Variants in ZDBF2 observed in about 807,000 individuals in gnomAD.
ZDBF2 encodes DBF4-type zinc finger-containing protein 2.
ZDBF2 carries 6 observed loss-of-function variants against 9.4 expected under a neutral mutation model. The observed-to-expected ratio is 0.64, with a 90% CI of 0.35 to 1.27. The LOEUF (loss-of-function observed/expected upper bound fraction) is 1.27. Among genes scored for constraint, ZDBF2 ranks in the 50% most tolerant of loss-of-function variants. The pLI is 0.03. For synonymous variants in ZDBF2, 905 were observed against 946.3 expected (o/e 0.96, Z 0.80); for missense variants, 2,697 against 2,766.8 (o/e 0.97, Z 0.57).
In ZDBF2 at chr2:206,310,936, T is replaced by C. The variant is rs760891670; in HGVS notation, c.6408T>C (p.His2136=). ...TTCTGGAAGAATCAAAGGTTCTGCA[T>C]GCTCGTGAGCTTCCAAAGAAAAGAA... ...SLFLEESKVL[H]ARELPKKRNF... is the part of the protein sequence containing the mutation. Residue 2136 remains histidine, a synonymous_variant, in exon 5 of 5, where the codon CAT becomes CAC. Coordinates refer to ENST00000374423, the MANE Select transcript of ZDBF2 (RefSeq NM_020923.3). 3.7e-6 allele frequency: 6 copies of C among 1,613,946 alleles called. No individual in the cohort carries two copies. In the Admixed American group the frequency reaches 1.0e-4, roughly 27 times the overall value.
chr2:206,294,582 C>T (rs1254319830), intron 3 of ZDBF2, among the ~76,000 whole-genome samples: 1 of 152,128 alleles, frequency 6.6e-6, no homozygotes, highest in Non-Finnish European at 1.5e-5. Context: ...TACAAATGAT[C>T]CCATCACCCA....
chr2:206,290,630 T>A (rs1292283474), intron 3 of ZDBF2, among the ~76,000 whole-genome samples: 2 of 152,232 alleles, frequency 1.3e-5, no homozygotes, highest in East Asian at 3.8e-4. Context: ...ATTGTTTTCT[T>A]AAGTTCATTT....
chr2:206,311,500 A>T lies in ZDBF2; in HGVS notation c.6972A>T (p.Arg2324Ser). 1 of 1,601,498 alleles carries T rather than the reference A, an allele frequency of 6.2e-7. No homozygotes were observed. Among genetic ancestry groups the T allele is most frequent in the South Asian group, 1.1e-5 (1 of 88,406 alleles). The change falls in exon 5 of 5, where the codon AGA becomes AGT. Residue 2324 changes from arginine (R) to serine (S), a missense_variant. Physicochemically the swap from Arg to Ser is moderately radical, Grantham distance 110. Transcript: ENST00000374423. ...AGAAAGGTCCTTCTACACCTGTGAG[A>T]GCATATGATCTGAGAAGCTCATCTT... Reference protein sequence around the residue: ...GRQKGPSTPVRAYDLRSSSCL... With the variant: ...GRQKGPSTPVSAYDLRSSSCL...
At chr2:206,300,069 A>G (rs1309826783) in intron 4 of ZDBF2, among the ~76,000 whole-genome samples, 1 of 152,218 alleles carries the variant, frequency 6.6e-6, no homozygotes, top group Non-Finnish European at 1.5e-5. Context: ...AGATTGTGCC[A>G]TTGCACTCCA....
chr2:206,277,729 CA>C (rs5838017), intron 1 of ZDBF2, among the ~76,000 whole-genome samples: 56,005 of 104,608 alleles, frequency 0.54, 11,130 homozygotes, highest in Admixed American at 0.61. Context: ...CTAATCTGTC[CA>C]AAAAAAAAAA....
intron 3 of ZDBF2, among the ~76,000 whole-genome samples, chr2:206,284,503 T>G (rs1574382593): frequency 1.3e-5 from 2 of 152,326 alleles, no homozygotes; most frequent in Middle Eastern, 6.8e-3. Context: ...TTAACTATAG[T>G]CATCCTACAG....
chr2:206,288,990 C>T (rs1455466375), intron 3 of ZDBF2, among the ~76,000 whole-genome samples: 1 of 152,054 alleles, frequency 6.6e-6, no homozygotes, highest in Non-Finnish European at 1.5e-5. Context: ...ACAATGACTC[C>T]ATTCCCCAGG....
chr2:206,274,708 G>C lies in ZDBF2; in HGVS notation c.-341G>C, dbSNP rs1305194671. 1 of 152,272 alleles carries C rather than the reference G, an allele frequency of 6.6e-6. No homozygotes were observed. Among genetic ancestry groups the C allele is most frequent in the Non-Finnish European group, 1.5e-5 (1 of 68,066 alleles). The allele number at this position is 152,272 out of a possible 1,614,324, so 9.4% of individuals were successfully genotyped here. A position where few individuals can be genotyped will look rare whatever the true frequency, so the allele number is the denominator to read the frequency against. ...ACGCCACGTTGCCTTGGATGCCTGC[G>C]TGAGTGGAGTCGCGACTCGGGGCCC... On this transcript the variant is annotated 5_prime_UTR_variant, in exon 1 of 5. Transcript: ENST00000374423.
In ZDBF2 at chr2:206,310,770, T is replaced by C. The variant is rs1297349402; in HGVS notation, c.6242T>C (p.Ile2081Thr). Residue 2081 changes from isoleucine to threonine, a missense_variant, in exon 5 of 5, where the codon ATT becomes ACT. By Grantham distance (89) the Ile-to-Thr change is moderately conservative. Coordinates refer to ENST00000374423, the MANE Select transcript of ZDBF2 (RefSeq NM_020923.3). ...TTTGAGAGGCGTAACTGGGTTAAAA[T>C]TCATTTTAATAGGAGCAACCAAAAC... ...PEFERRNWVKIHFNRSNQNSS... is the reference protein window; with the variant it reads ...PEFERRNWVKTHFNRSNQNSS... 1.2e-6 allele frequency: 2 copies of C among 1,613,936 alleles called. No individual in the cohort carries two copies. The highest frequency in any genetic ancestry group is 1.3e-5 in the African/African-American group (1 of 75,024).
chr2:206,304,720 A>T lies in ZDBF2; in HGVS notation c.192A>T (p.Ser64=). ...AGTTTCCCCCCTTTCGTTTTAGTTC[A>T]ACACAAGATGAGACACATGTGAATA... is the stretch of plus-strand genomic sequence containing the variant. ...HHPYHCQESS[S]TQDETHVNTG... The change falls in exon 5 of 5, where the codon TCA becomes TCT. Residue 64 remains serine (S), a synonymous_variant. Transcript: ENST00000374423. The T allele has an allele frequency of 1.3e-6, 2 of 1,598,172 alleles. No homozygotes were observed. Among genetic ancestry groups the T allele is most frequent in the Non-Finnish European group, 1.7e-6 (2 of 1,173,962 alleles).
In ZDBF2 at chr2:206,281,801, C is replaced by T; in HGVS notation, c.-49C>T. The stretch of plus-strand genomic sequence containing the variant: ...TACCATTTTTCTTTTTGTTTTTCAG[C>T]TTGAGTATTCAAAGACAGTAGCCAT... On this transcript the variant is annotated splice_region_variant and 5_prime_UTR_variant, in exon 3 of 5. Transcript: ENST00000374423. 6.4e-7 allele frequency: 1 copy of T among 1,560,422 alleles called. No homozygotes were observed.
At chr2:206,289,439 GC>G (rs1691772120) in intron 3 of ZDBF2, among the ~76,000 whole-genome samples, 1 of 151,646 alleles carries the variant, frequency 6.6e-6, no homozygotes, top group African/African-American at 2.4e-5. Flanking sequence ...TTCAGCTCCA[GC>G]CTGATGGGGT....
intron 3 of ZDBF2, among the ~76,000 whole-genome samples, chr2:206,288,348 CTG>C (rs1045768837): frequency 5.9e-5 from 9 of 152,232 alleles, no homozygotes; most frequent in Admixed American, 2.0e-4. Flanking sequence ...TCAGCAATAA[CTG>C]TGGGCACTTC....
rs775352532 is a variant in ZDBF2 at position 206,307,293 on chromosome 2, T to C, written c.2765T>C (p.Ile922Thr). The change falls in exon 5 of 5, where the codon ATC (isoleucine) becomes ACC (threonine). Residue 922 changes from isoleucine (I) to threonine (T), a missense_variant. Transcript: ENST00000374423. ...IDSEVSLDYN[I>T]IFHSVTGRSE... is the part of the protein sequence containing the mutation. The stretch of plus-strand genomic sequence containing the variant: ...TCTGAAGTAAGTTTGGATTATAATA[T>C]CATTTTTCATTCAGTGACTGGACGT... The C allele has an allele frequency of 3.0e-5, 48 of 1,609,362 alleles. No homozygotes were observed. The highest frequency in any genetic ancestry group is 3.7e-5 in the Non-Finnish European group (44 of 1,178,666).
rs1692919588 is a variant in ZDBF2 at position 206,308,094 on chromosome 2, G to T, written c.3566G>T (p.Gly1189Val). ...GAGCAGGAGCACATTGAACTAGAAG[G>T]TAAGCACAATCAATGTTGTGGTTCT... ...ILEQEHIELE[G>V]KHNQCCGSEV... is the part of the protein sequence containing the mutation. The change falls in exon 5 of 5, where the codon GGT becomes GTT. Residue 1189 changes from glycine to valine, a missense_variant. This residue lies in a region of ZDBF2 where 1,783 missense variants were observed against 1,776.5 expected (regional missense o/e 1.00). Transcript: ENST00000374423. The T allele has an allele frequency of 6.2e-7, 1 of 1,613,836 alleles. No homozygotes were observed. Among genetic ancestry groups the T allele is most frequent in the African/African-American group, 1.3e-5 (1 of 74,942 alleles).
chr2:206,305,821 C>T lies in ZDBF2; in HGVS notation c.1293C>T (p.Ser431=), dbSNP rs1336294881. 2 of 1,613,402 alleles carry T rather than the reference C, an allele frequency of 1.2e-6. No individual in the cohort carries two copies. The highest frequency in any genetic ancestry group is 4.5e-5 in the East Asian group (2 of 44,862). The change falls in exon 5 of 5, where the codon TCC becomes TCT. Residue 431 remains serine, a synonymous_variant. Coordinates refer to ENST00000374423, the MANE Select transcript of ZDBF2 (RefSeq NM_020923.3). ...SKVSAKEVNL[S]KEVRTDVQYK... ...TGAGTGCCAAAGAAGTAAACCTTTCCAAGGAAGTACGTACTGATGTACAGT... is the reference window on the plus strand; with the variant it reads ...TGAGTGCCAAAGAAGTAAACCTTTCTAAGGAAGTACGTACTGATGTACAGT...
Position 206,305,374 on chromosome 2 carries a change from A to G in ZDBF2, c.846A>G (p.Leu282=), listed in dbSNP as rs1692724470. Residue 282 remains leucine, a synonymous_variant, in exon 5 of 5, where the codon TTA becomes TTG. Transcript: ENST00000374423. ...WKDVKSQGKT[L]SAGLKFHERM... is the part of the protein sequence containing the mutation. ...ATGTAAAATCTCAGGGTAAAACTTTATCAGCTGGCTTGAAATTCCATGAAC... is the reference window on the plus strand; with the variant it reads ...ATGTAAAATCTCAGGGTAAAACTTTGTCAGCTGGCTTGAAATTCCATGAAC... The G allele has an allele frequency of 3.7e-6, 6 of 1,613,148 alleles. No homozygotes were observed. The highest frequency in any genetic ancestry group is 2.2e-5 in the East Asian group (1 of 44,866).
chr2:206,289,677 G>T (rs146921225), intron 3 of ZDBF2, among the ~76,000 whole-genome samples: 129 of 152,318 alleles, frequency 8.5e-4, no homozygotes, highest in Admixed American at 3.1e-3. Flanking sequence ...GGTCACAGGG[G>T]TCAGGGCACA....
At chr2:206,275,164 C>T (rs1026788175) in intron 1 of ZDBF2, among the ~76,000 whole-genome samples, 1 of 152,058 alleles carries the variant, frequency 6.6e-6, no homozygotes. Flanking sequence ...ATCGAGGTGG[C>T]GGGGCGAGGG....
Sources: gnomAD v4.1 joint callset for allele counts (sites outside exome capture counted in the v4.1 genomes callset) on GRCh38, gnomAD v4.1.1 for gene constraint, gnomAD v4.1.1 regional missense constraint, MANE v1.5 for transcripts, NCBI Gene and HGNC (gene_info 2026-07-23, HGNC 2026-07-21) for gene names.